FNDC3B: variants seen among roughly 807,000 people sequenced by gnomAD.
FNDC3B encodes fibronectin type III domain-containing protein 3B.
A neutral mutation model predicts 151.5 loss-of-function variants in FNDC3B; 12 were observed. That is an observed-to-expected ratio of 0.08 (90% confidence interval 0.05 to 0.13). FNDC3B has a LOEUF of 0.13. Among genes scored for constraint, FNDC3B ranks in the 10% least tolerant of loss-of-function variants. The probability of loss-of-function intolerance (pLI) is 1.00; values close to 1 mark genes in which losing one functional copy is unlikely to be tolerated. For synonymous variants in FNDC3B, 528 were observed against 549.0 expected (o/e 0.96, Z 0.54); for missense variants, 1,214 against 1,505.3 (o/e 0.81, Z 3.20).
intron 3 of FNDC3B, among the ~76,000 whole-genome samples, chr3:172,151,057 C>A (rs1215436074): frequency 6.6e-6 from 1 of 152,124 alleles, no homozygotes; most frequent in Non-Finnish European, 1.5e-5. Context: ...GTTTAAACAT[C>A]ATTGCTTCTA....
chr3:172,299,005 C>T (rs555748480), intron 9 of FNDC3B, among the ~76,000 whole-genome samples: 22 of 152,294 alleles, frequency 1.4e-4, no homozygotes, highest in African/African-American at 5.3e-4. Context: ...CACTGAAAAT[C>T]ATTTTAAACA....
intron 23 of FNDC3B, among the ~76,000 whole-genome samples, chr3:172,368,469 T>G (rs1045805889): frequency 6.6e-6 from 1 of 152,202 alleles, no homozygotes; most frequent in Non-Finnish European, 1.5e-5. Flanking sequence ...AGTGCTTCTC[T>G]GACTAGTCCC....
chr3:172,291,582 TAC>T lies in FNDC3B; in HGVS notation c.850-3779_850-3778del, dbSNP rs137910717. 7.7e-3 allele frequency among the ~76,000 whole-genome samples: 1,170 copies of T among 152,340 alleles called. 8 individuals carry two copies. Among genetic ancestry groups the T allele is most frequent in the Non-Finnish European group, 0.012 (820 of 68,030 alleles). ...TATGCAAATGTATACTAGTAACCTA[TAC>T]AACAGACCCCTTTATATTACTATTG... On this transcript the variant is annotated intron_variant, in intron 7 of 25. Transcript: ENST00000415807.
Position 172,312,845 on chromosome 3 carries a change from G to T in FNDC3B, c.1254+1964G>T, listed in dbSNP as rs190297450. The stretch of plus-strand genomic sequence containing the variant: ...GCTCAGTTCCTCATCCCTTCCCTTA[G>T]AATTTGAAGTGAGAGTGTCGTAGCT... On this transcript the variant is annotated intron_variant, in intron 11 of 25. Transcript: ENST00000415807. Among the ~76,000 whole-genome samples, 766 of 152,256 alleles carry T rather than the reference G, an allele frequency of 5.0e-3. 4 individuals carry two copies. Among genetic ancestry groups the T allele is most frequent in the Non-Finnish European group, 8.3e-3 (567 of 68,030 alleles).
chr3:172,253,806 GT>G (rs1728201260), intron 6 of FNDC3B, among the ~76,000 whole-genome samples: 1 of 151,588 alleles, frequency 6.6e-6, no homozygotes, highest in African/African-American at 2.4e-5. Flanking sequence ...TTGAGATGGA[GT>G]CTTGCCCTGT....
intron 12 of FNDC3B, chr3:172,329,334 C>T (rs561320380): frequency 6.9e-5 from 26 of 376,324 alleles, no homozygotes; most frequent in Non-Finnish European, 1.0e-4. Flanking sequence ...GGTAGCAGTA[C>T]AGATCTTGAA....
chr3:172,310,701 C>A (rs1560071301), intron 10 of FNDC3B, 127 bp from the exon 11 acceptor site: 2 of 746,656 alleles, frequency 2.7e-6, no homozygotes, highest in Admixed American at 1.9e-5. Flanking sequence ...ACGCAGGAAC[C>A]ATCAGCTTTA....
chr3:172,244,758 G>A (rs1438617170), intron 4 of FNDC3B, among the ~76,000 whole-genome samples: 1 of 151,102 alleles, frequency 6.6e-6, no homozygotes, highest in Non-Finnish European at 1.5e-5. Flanking sequence ...CTGAGTAGCT[G>A]GGACTACAGG....
At chr3:172,151,890 T>C (rs923423263) in intron 3 of FNDC3B, among the ~76,000 whole-genome samples, 2 of 152,188 alleles carry the variant, frequency 1.3e-5, no homozygotes, top group African/African-American at 4.8e-5. Context: ...AACCTGTGGA[T>C]GACGTTATGT....
intron 3 of FNDC3B, among the ~76,000 whole-genome samples, chr3:172,211,539 G>T (rs1725730987): frequency 6.6e-6 from 1 of 152,234 alleles, no homozygotes; most frequent in Non-Finnish European, 1.5e-5. Flanking sequence ...CAAGGGGAAT[G>T]GTTGGAAGGC....
chr3:172,354,845 G>T (rs1734013250), intron 22 of FNDC3B, among the ~76,000 whole-genome samples: 1 of 150,158 alleles, frequency 6.7e-6, no homozygotes, highest in African/African-American at 2.4e-5. Context: ...TTGGATAAAA[G>T]ACTTGTTTCT....
chr3:172,240,955 A>T (rs1235515613), intron 4 of FNDC3B, among the ~76,000 whole-genome samples: 3 of 152,090 alleles, frequency 2.0e-5, no homozygotes, highest in African/African-American at 7.2e-5. Context: ...GCTTGTTTCT[A>T]GGCCACAGGA....
At chr3:172,133,569 T>A in intron 3 of FNDC3B, 23 bp downstream of exon 3, 1 of 1,536,154 alleles carries the variant, frequency 6.5e-7, no homozygotes, top group Non-Finnish European at 9.0e-7. Context: ...TTGGTAAATA[T>A]TCTAATCAAA....
intron 2 of FNDC3B, among the ~76,000 whole-genome samples, chr3:172,130,323 A>T (rs80040649): frequency 0.048 from 7,323 of 152,266 alleles, 603 homozygotes; most frequent in African/African-American, 0.17. Flanking sequence ...AAAAATTGAT[A>T]TTGGGACACA....
chr3:172,061,168 T>C (rs1009059105), intron 1 of FNDC3B, among the ~76,000 whole-genome samples: 10 of 152,292 alleles, frequency 6.6e-5, no homozygotes, highest in Admixed American at 3.3e-4. Flanking sequence ...GAATAATGGA[T>C]GCTTATTCTA....
At chr3:172,242,288 A>AG (rs1413574040) in intron 4 of FNDC3B, among the ~76,000 whole-genome samples, 2 of 152,104 alleles carry the variant, frequency 1.3e-5, no homozygotes, top group East Asian at 3.9e-4. Flanking sequence ...TGGGATCTGG[A>AG]GGATGGTAGC....
At chr3:172,319,882 A>C (rs914547266) in intron 11 of FNDC3B, among the ~76,000 whole-genome samples, 1 of 152,138 alleles carries the variant, frequency 6.6e-6, no homozygotes, top group African/African-American at 2.4e-5. Context: ...TTTATTTTTT[A>C]TGTATTGTTG....
chr3:172,291,700 A>G lies in FNDC3B; in HGVS notation c.850-3663A>G, dbSNP rs116336778. Among the ~76,000 whole-genome samples the G allele has an allele frequency of 2.8e-3, 425 of 152,302 alleles. 3 individuals are homozygous for G. Among genetic ancestry groups the G allele is most frequent in the African/African-American group, 9.9e-3 (411 of 41,566 alleles). On this transcript the variant is annotated intron_variant, in intron 7 of 25. Coordinates refer to ENST00000415807, the MANE Select transcript of FNDC3B (RefSeq NM_022763.4). The stretch of plus-strand genomic sequence containing the variant: ...CCATTACAAAGGAGATTGACTTTCT[A>G]GTTACGGTAGGTTAATTAAATATCA...
At chr3:172,245,183 TG>T (rs1318104050) in intron 4 of FNDC3B, among the ~76,000 whole-genome samples, 1 of 152,200 alleles carries the variant, frequency 6.6e-6, no homozygotes, top group African/African-American at 2.4e-5. Context: ...AAAACCACTT[TG>T]TTAACAGGTC....
Sources: gnomAD v4.1 joint callset for allele counts (sites outside exome capture counted in the v4.1 genomes callset) on GRCh38, gnomAD v4.1.1 for gene constraint, MANE v1.5 for transcripts, NCBI Gene and HGNC (gene_info 2026-07-23, HGNC 2026-07-21) for gene names.